The following KCNIP4 variants were observed in gnomAD, a reference collection of about 807,000 sequenced individuals.
The protein encoded by KCNIP4 is potassium voltage-gated channel interacting protein 4.
A neutral mutation model predicts 34.0 loss-of-function variants in KCNIP4; 12 were observed. The observed-to-expected ratio is 0.35, with a 90% confidence interval of 0.23 to 0.57. KCNIP4 has a LOEUF of 0.57. KCNIP4 is among the 20% of genes least tolerant of loss of function. The pLI, the probability that KCNIP4 is intolerant of heterozygous loss-of-function variation, is 0.83. For missense variants in KCNIP4, 238 were observed against 311.7 expected (o/e 0.76, Z 1.78); for synonymous variants, 124 against 102.2 (o/e 1.21, Z -1.29).
intron 3 of KCNIP4, among the ~76,000 whole-genome samples, chr4:20,794,774 A>G (rs1324939967): frequency 6.6e-6 from 1 of 152,244 alleles, no homozygotes; most frequent in African/African-American, 2.4e-5. Flanking sequence ...GCATAGGCAT[A>G]TAAGTGTGGC....
intron 3 of KCNIP4, among the ~76,000 whole-genome samples, chr4:20,771,526 G>C (rs921063336): frequency 6.6e-6 from 1 of 152,136 alleles, no homozygotes; most frequent in Non-Finnish European, 1.5e-5. Context: ...TGACAAGTTT[G>C]GTGAAATGTC....
chr4:21,750,681 G>A (rs752375720), intron 1 of KCNIP4, among the ~76,000 whole-genome samples: 8 of 152,198 alleles, frequency 5.3e-5, no homozygotes, highest in Non-Finnish European at 1.2e-4. Context: ...GCACCTGTAA[G>A]TTCAAACCAT....
intron 1 of KCNIP4, among the ~76,000 whole-genome samples, chr4:21,469,177 A>G (rs1730249027): frequency 6.6e-6 from 1 of 151,780 alleles, no homozygotes; most frequent in South Asian, 2.1e-4. Flanking sequence ...TGCTCCTCCC[A>G]TCTCAGCCTC....
intron 1 of KCNIP4, among the ~76,000 whole-genome samples, chr4:21,059,080 C>T (rs1280407335): frequency 1.3e-5 from 2 of 152,120 alleles, no homozygotes; most frequent in African/African-American, 4.8e-5. Context: ...CATCTTCCAG[C>T]ATGATTGTGA....
intron 1 of KCNIP4, among the ~76,000 whole-genome samples, chr4:20,959,495 G>A (rs1259713658): frequency 6.6e-6 from 1 of 152,200 alleles, no homozygotes; most frequent in Non-Finnish European, 1.5e-5. Flanking sequence ...CTAATTCACA[G>A]AGGAGACTGA....
chr4:20,944,931 C>T (rs1732039575), intron 1 of KCNIP4, among the ~76,000 whole-genome samples: 2 of 152,162 alleles, frequency 1.3e-5, no homozygotes, highest in South Asian at 4.1e-4. Flanking sequence ...TTCAATCAGA[C>T]TTAATAACTT....
At chr4:20,983,395 A>C (rs150872869) in intron 1 of KCNIP4, among the ~76,000 whole-genome samples, 1 of 152,104 alleles carries the variant, frequency 6.6e-6, no homozygotes, top group African/African-American at 2.4e-5. Context: ...CACACCTCCT[A>C]ACTAATGAGG....
intron 1 of KCNIP4, among the ~76,000 whole-genome samples, chr4:21,604,294 T>C (rs1037185051): frequency 1.3e-5 from 2 of 152,130 alleles, no homozygotes; most frequent in Non-Finnish European, 1.5e-5. Flanking sequence ...TTTTGCTGTG[T>C]CTAAATCATC....
rs181716069 is a variant in KCNIP4, at chr4:20,769,392, T to C, written c.289-10502A>G. ...AATCTTTAGTGGAATGCATGTAGAA[T>C]TGTTTGATTTACGGAGACTTTTAAA... On this transcript the variant is annotated intron_variant, in intron 3 of 8. Transcript: ENST00000382152. 1.7e-3 allele frequency among the ~76,000 whole-genome samples: 260 copies of C among 152,280 alleles called. 1 individual carries two copies. Among genetic ancestry groups the C allele is most frequent in the Non-Finnish European group, 4.1e-4 (28 of 68,030 alleles).
intron 1 of KCNIP4, among the ~76,000 whole-genome samples, chr4:21,441,231 T>A (rs1727447381): frequency 6.7e-6 from 1 of 150,282 alleles, no homozygotes. Flanking sequence ...AAGCTTCACC[T>A]CCCGGCTTCA....
At chr4:20,805,978 A>G (rs1023238669) in intron 3 of KCNIP4, among the ~76,000 whole-genome samples, 2 of 152,126 alleles carry the variant, frequency 1.3e-5, no homozygotes, top group African/African-American at 4.8e-5. Flanking sequence ...GACAATATAT[A>G]GATTCAAATC....
intron 1 of KCNIP4, chr4:21,844,295 C>A (rs1052902833): frequency 7.2e-5 from 11 of 152,044 alleles, no homozygotes. Flanking sequence ...CATTCTTCAG[C>A]CTGCACAGTG....
At chr4:21,383,762 T>C (rs1319043046) in intron 1 of KCNIP4, among the ~76,000 whole-genome samples, 2 of 152,158 alleles carry the variant, frequency 1.3e-5, no homozygotes, top group Non-Finnish European at 1.5e-5. Flanking sequence ...CTACGCTGTA[T>C]CACCACAACA....
At chr4:21,800,850 T>C in intron 1 of KCNIP4, among the ~76,000 whole-genome samples, 1 of 152,076 alleles carries the variant, frequency 6.6e-6, no homozygotes, top group East Asian at 1.9e-4. Flanking sequence ...AAACATAAAC[T>C]CTCCCGATGG....
chr4:21,019,568 A>G (rs1739861922), intron 1 of KCNIP4, among the ~76,000 whole-genome samples: 2 of 152,160 alleles, frequency 1.3e-5, no homozygotes, highest in Admixed American at 1.3e-4. Flanking sequence ...AGAGGAACAC[A>G]ATTTAGCCCA....
chr4:21,529,078 C>A (rs941661274), intron 1 of KCNIP4, among the ~76,000 whole-genome samples: 1 of 152,050 alleles, frequency 6.6e-6, no homozygotes, highest in Non-Finnish European at 1.5e-5. Context: ...AAGGAAGATA[C>A]AGTGCAGCAG....
intron 1 of KCNIP4, among the ~76,000 whole-genome samples, chr4:20,909,116 G>A (rs1479951310): frequency 6.6e-6 from 1 of 152,188 alleles, no homozygotes; most frequent in Non-Finnish European, 1.5e-5. Flanking sequence ...ATATGCTCTA[G>A]ATCTGCTAAG....
intron 1 of KCNIP4, among the ~76,000 whole-genome samples, chr4:21,256,192 G>A (rs1175212895): frequency 6.6e-6 from 1 of 152,178 alleles, no homozygotes; most frequent in Non-Finnish European, 1.5e-5. Context: ...TATTGAGAAA[G>A]TGTGCTATAT....
At chr4:21,351,336 T>C (rs1027757575) in intron 1 of KCNIP4, among the ~76,000 whole-genome samples, 1 of 152,148 alleles carries the variant, frequency 6.6e-6, no homozygotes, top group African/African-American at 2.4e-5. Flanking sequence ...TCCCATGCTG[T>C]TCTATTGATA....
Sources: gnomAD v4.1 joint callset for allele counts (sites outside exome capture counted in the v4.1 genomes callset) on GRCh38, gnomAD v4.1.1 for gene constraint, MANE v1.5 for transcripts, NCBI Gene and HGNC (gene_info 2026-07-23, HGNC 2026-07-21) for gene names.